The following RCN2 variants were observed in gnomAD, a reference collection of about 807,000 sequenced individuals.
RCN2 encodes the protein reticulocalbin-2.
RCN2 carries 23 observed loss-of-function variants against 37.5 expected under a neutral mutation model. The ratio of observed to expected loss-of-function variants is 0.61; its 90% confidence interval spans 0.44 to 0.87. The LOEUF (loss-of-function observed/expected upper bound fraction) is 0.87, where lower values mean the gene tolerates loss of function less well. Among genes scored for constraint, RCN2 ranks in the 40% least tolerant of loss-of-function variants. The pLI, the probability that RCN2 is intolerant of heterozygous loss-of-function variation, is 0.00. For missense variants in RCN2, 381 were observed against 390.4 expected, an observed-to-expected ratio of 0.98 and a Z score of 0.20; for synonymous variants, 140 against 144.6, an observed-to-expected ratio of 0.97 and a Z score of 0.23.
In RCN2 at chr15:76,952,180, T is replaced by C. The variant is rs1568463077; in HGVS notation, c.*2958T>C. 1 of 152,182 alleles carries C rather than the reference T, an allele frequency of 6.6e-6. No individual in the cohort carries two copies. The highest frequency in any genetic ancestry group is 1.5e-5 in the Non-Finnish European group (1 of 68,032). 9.4% of individuals were successfully genotyped at this position (152,182 alleles called of 1,614,324 possible). Reference sequence around the variant, plus strand: ...GATAGTACCTACCAGAGTGGTACATTTGTTAAAATCGATGAAACTGTTAAC... The same window carrying C: ...GATAGTACCTACCAGAGTGGTACATCTGTTAAAATCGATGAAACTGTTAAC... On this transcript the variant is annotated 3_prime_UTR_variant, in exon 7 of 7. Transcript: ENST00000394885.
rs940768545 is a variant in RCN2 at position 76,951,059 on chromosome 15, G to T, written c.*1837G>T. 1 of 152,226 alleles carries T rather than the reference G, an allele frequency of 6.6e-6. No individual in the cohort carries two copies. Among genetic ancestry groups the T allele is most frequent in the African/African-American group, 2.4e-5 (1 of 41,452 alleles). The allele number at this position is 152,226 out of a possible 1,614,324, so 9.4% of individuals were successfully genotyped here. On this transcript the variant is annotated 3_prime_UTR_variant, in exon 7 of 7. Coordinates refer to ENST00000394885, the MANE Select transcript of RCN2 (RefSeq NM_002902.3). ...TCTGTCATTTGTCAGACTCACTGAA[G>T]CTGGCATATTTGAAATCACCAGTTT...
chr15:76,947,762 T>C, intron 5 of RCN2: 1 of 406,486 alleles, frequency 2.5e-6, no homozygotes, highest in South Asian at 3.5e-5. Flanking sequence ...CAAACAAATC[T>C]AATTTTATTA....
chr15:76,947,150 T>C (rs1014172475), intron 4 of RCN2, among the ~76,000 whole-genome samples: 1 of 152,166 alleles, frequency 6.6e-6, no homozygotes, highest in African/African-American at 2.4e-5. Context: ...CTTCACAATA[T>C]CAGAAGCTTA....
chr15:76,942,048 A>T (rs1472692392), intron 3 of RCN2: 1 of 165,526 alleles, frequency 6.0e-6, no homozygotes, highest in African/African-American at 2.4e-5. Flanking sequence ...ATTTTGAAAC[A>T]TTAAGTTAAA....
At chr15:76,944,984 C>T (rs888835367) in intron 4 of RCN2, among the ~76,000 whole-genome samples, 2 of 152,232 alleles carry the variant, frequency 1.3e-5, no homozygotes, top group African/African-American at 4.8e-5. Flanking sequence ...TATGAATTTA[C>T]ATTTCCAAGT....
chr15:76,948,761 A>G, intron 6 of RCN2: 1 of 540,196 alleles, frequency 1.9e-6, no homozygotes, highest in Non-Finnish European at 3.2e-6. Flanking sequence ...ATTTGAGAGT[A>G]CAGTGAATAG....
chr15:76,939,052 A>G (rs1192255800), intron 3 of RCN2, among the ~76,000 whole-genome samples: 2 of 152,100 alleles, frequency 1.3e-5, no homozygotes, highest in Non-Finnish European at 2.9e-5. Context: ...AAAGCTGTCT[A>G]GTTAACAAAT....
chr15:76,931,847 G>A lies in RCN2; in HGVS notation c.6G>A (p.Arg2=), dbSNP rs2075223700. M[R]LGPRTAALGL... is the part of the protein sequence containing the mutation. ...GTCCTCCGCGGGCCGGCGCGATGCGGCTGGGCCCGAGGACCGCGGCGTTGG... is the reference window on the plus strand; with the variant it reads ...GTCCTCCGCGGGCCGGCGCGATGCGACTGGGCCCGAGGACCGCGGCGTTGG... Residue 2 remains arginine, a synonymous_variant, in exon 1 of 7, where the codon CGG becomes CGA. Coordinates refer to ENST00000394885, the MANE Select transcript of RCN2 (RefSeq NM_002902.3). 3 of 1,249,080 alleles carry A rather than the reference G, an allele frequency of 2.4e-6. No homozygotes were observed. The highest frequency in any genetic ancestry group is 2.0e-6 in the Non-Finnish European group (2 of 1,001,018). 77.4% of individuals were successfully genotyped at this position (1,249,080 alleles called of 1,614,324 possible).
intron 3 of RCN2, chr15:76,938,756 C>G: frequency 2.2e-6 from 1 of 455,994 alleles, no homozygotes; most frequent in Non-Finnish European, 4.4e-6. Context: ...GCTCCATCCT[C>G]AGAGCCAGTC....
At chr15:76,945,843 A>G (rs759949184) in intron 4 of RCN2, among the ~76,000 whole-genome samples, 5 of 152,176 alleles carry the variant, frequency 3.3e-5, no homozygotes, top group Admixed American at 1.3e-4. Context: ...TGAAGCTTCT[A>G]ATTTCTCATT....
At position 76,953,574 on chromosome 15, in the gene RCN2, T is replaced by C. The variant is rs1301006008; in HGVS notation, c.*4352T>C. The C allele has an allele frequency of 1.0e-4, 2 of 19,776 alleles. No individual in the cohort carries two copies. Among genetic ancestry groups the C allele is most frequent in the East Asian group, 2.2e-3 (2 of 918 alleles). 1.2% of individuals were successfully genotyped at this position (19,776 alleles called of 1,614,324 possible). On this transcript the variant is annotated 3_prime_UTR_variant, in exon 7 of 7. Transcript: ENST00000394885. Reference sequence around the variant, plus strand: ...GTAATTCTATATATATATATATATATATATATATATATATATATATTTTTT... The same window carrying C: ...GTAATTCTATATATATATATATATACATATATATATATATATATATTTTTT...
At chr15:76,944,238 G>A (rs545980771) in intron 4 of RCN2, among the ~76,000 whole-genome samples, 115 of 152,028 alleles carry the variant, frequency 7.6e-4, no homozygotes, top group African/African-American at 2.7e-3. Context: ...GCCTCGGCTT[G>A]CCAAAGTGCT....
chr15:76,953,142 A>G lies in RCN2; in HGVS notation c.*3920A>G, dbSNP rs2075329232. ...AGAGACGGGGTTTCGCCATGTTGGCATGGCTGGTCTCGAACTCTTGACCTC... is the reference window on the plus strand; with the variant it reads ...AGAGACGGGGTTTCGCCATGTTGGCGTGGCTGGTCTCGAACTCTTGACCTC... On this transcript the variant is annotated 3_prime_UTR_variant, in exon 7 of 7. Coordinates refer to ENST00000394885, the MANE Select transcript of RCN2 (RefSeq NM_002902.3). The G allele has an allele frequency of 7.0e-6, 1 of 141,874 alleles. No homozygotes were observed. Among genetic ancestry groups the G allele is most frequent in the African/African-American group, 2.6e-5 (1 of 37,948 alleles). The allele number at this position is 141,874 out of a possible 1,614,324, so 8.8% of individuals were successfully genotyped here. A position where few individuals can be genotyped will look rare whatever the true frequency, so the allele number is the denominator to read the frequency against.
At chr15:76,947,143 C>T (rs1050058860) in intron 4 of RCN2, among the ~76,000 whole-genome samples, 1 of 152,120 alleles carries the variant, frequency 6.6e-6, no homozygotes, top group Non-Finnish European at 1.5e-5. Context: ...TGGAGTTCTT[C>T]ACAATATCAG....
At chr15:76,932,028 C>G (rs928269287) in intron 1 of RCN2, 43 bp downstream of exon 1, 20 of 1,235,562 alleles carry the variant, frequency 1.6e-5, no homozygotes, top group Non-Finnish European at 1.9e-5. Context: ...GGCCTCGCAC[C>G]GCGGCTGCCG....
chr15:76,948,461 A>G lies in RCN2; in HGVS notation c.710A>G (p.Asn237Ser). ...WILVEKDRFV[N>S]DYDKDNDGRL... is the part of the protein sequence containing the mutation. ...CTTGTTGAGAAAGACAGATTCGTGA[A>G]TGATTATGACAAAGATAACGATGGC... is the stretch of plus-strand genomic sequence containing the variant. Residue 237 changes from asparagine to serine, a missense_variant, in exon 6 of 7, where the codon AAT becomes AGT. Coordinates refer to ENST00000394885, the MANE Select transcript of RCN2 (RefSeq NM_002902.3). 1.9e-6 allele frequency: 3 copies of G among 1,610,494 alleles called. No homozygotes were observed. The highest frequency in any genetic ancestry group is 2.5e-6 in the Non-Finnish European group (3 of 1,177,910).
intron 5 of RCN2, 42 bp from the exon 6 acceptor site, chr15:76,948,368 T>C (rs755940114): frequency 7.2e-7 from 1 of 1,396,110 alleles, no homozygotes; most frequent in Non-Finnish European, 9.8e-7. Context: ...TGGATACATG[T>C]GATATTCTTG....
rs2075320794 is a variant in RCN2 at position 76,951,569 on chromosome 15, A to T, written c.*2347A>T. ...TTTCACATTTAACAATAGGCTTTTA[A>T]TAAGCATGCAGAGAAAAAGAATCAT... On this transcript the variant is annotated 3_prime_UTR_variant, in exon 7 of 7. Coordinates refer to ENST00000394885, the MANE Select transcript of RCN2 (RefSeq NM_002902.3). 6.6e-6 allele frequency: 1 copy of T among 152,220 alleles called. No homozygotes were observed. The highest frequency in any genetic ancestry group is 2.4e-5 in the African/African-American group (1 of 41,458). The allele number at this position is 152,220 out of a possible 1,614,324, so 9.4% of individuals were successfully genotyped here.
chr15:76,932,410 G>C lies in RCN2; in HGVS notation c.194G>C (p.Arg65Thr). 3.1e-6 allele frequency: 5 copies of C among 1,613,966 alleles called. No homozygotes were observed. Among genetic ancestry groups the C allele is most frequent in the Non-Finnish European group, 4.2e-6 (5 of 1,179,914 alleles). ...CTCGGCCACGAAGAGCAGCAAAAAA[G>C]ACTGCAGGCGATCATAAAGAAAATC... ...VKLGHEEQQK[R>T]LQAIIKKIDL... Residue 65 changes from arginine (R) to threonine (T), a missense_variant, in exon 2 of 7, where the codon AGA (arginine) becomes ACA (threonine). Coordinates refer to ENST00000394885, the MANE Select transcript of RCN2 (RefSeq NM_002902.3).
Sources: gnomAD v4.1 joint callset for allele counts (sites outside exome capture counted in the v4.1 genomes callset) on GRCh38, gnomAD v4.1.1 for gene constraint, MANE v1.5 for transcripts, NCBI Gene and HGNC (gene_info 2026-07-23, HGNC 2026-07-21) for gene names.